LARP4: variants seen among roughly 807,000 people sequenced by gnomAD.
LARP4 encodes the protein la-related protein 4.
Under a neutral mutation model 92.9 loss-of-function variants are expected in LARP4, and 29 were observed. The ratio of observed to expected loss-of-function variants is 0.31; its 90% CI spans 0.23 to 0.43. LARP4 has a LOEUF of 0.43. LARP4 is among the 20% of genes least tolerant of loss of function. LARP4 has a pLI of 1.00. For synonymous variants in LARP4, 279 were observed against 284.1 expected (o/e 0.98, Z 0.18); for missense variants, 732 against 860.0 (o/e 0.85, Z 1.86).
intron 8 of LARP4, among the ~76,000 whole-genome samples, chr12:50,442,828 C>T (rs1262334487): frequency 2.6e-5 from 4 of 152,176 alleles, no homozygotes; most frequent in Non-Finnish European, 5.9e-5. Flanking sequence ...CAGTGACTTA[C>T]ATTTATTAAG....
chr12:50,426,731 G>GTGTGTGTGTGTGTGTGGGTGT (rs1483728898), intron 1 of LARP4, among the ~76,000 whole-genome samples: 1 of 79,740 alleles, frequency 1.3e-5, no homozygotes, highest in Non-Finnish European at 2.2e-5. Flanking sequence ...GTGTGTGTGT[G>GTGTGTGTGTGTGTGTGGGTGT]GTTTTTTTTT....
intron 8 of LARP4, among the ~76,000 whole-genome samples, chr12:50,451,210 C>A (rs2138171282): frequency 6.6e-6 from 1 of 152,294 alleles, no homozygotes; most frequent in East Asian, 1.9e-4. Flanking sequence ...TGAAACATTT[C>A]CCCAGTCCCT....
At chr12:50,465,388 AAGAG>A (rs1316131072) in intron 12 of LARP4, among the ~76,000 whole-genome samples, 2 of 151,176 alleles carry the variant, frequency 1.3e-5, no homozygotes, top group African/African-American at 4.9e-5. Flanking sequence ...AAAAAAAAAA[AAGAG>A]AGATTAGATT....
intron 1 of LARP4, among the ~76,000 whole-genome samples, chr12:50,425,694 G>C (rs1299710442): frequency 6.6e-6 from 1 of 152,100 alleles, no homozygotes; most frequent in Non-Finnish European, 1.5e-5. Context: ...TCTTAGTGAG[G>C]TGGACCCCAG....
chr12:50,432,150 G>C (rs1949749816), intron 4 of LARP4, among the ~76,000 whole-genome samples: 1 of 152,088 alleles, frequency 6.6e-6, no homozygotes, highest in South Asian at 2.1e-4. Flanking sequence ...TTATGGGTCT[G>C]CTTCTATTGT....
At chr12:50,430,419 G>A (rs2137146583) in intron 3 of LARP4, 76 bp from the exon 4 acceptor site, 2 of 753,056 alleles carry the variant, frequency 2.7e-6, no homozygotes, top group Non-Finnish European at 4.6e-6. Context: ...TGGCTTCTGA[G>A]TACAACAGTA....
At chr12:50,464,686 C>T (rs1955906684) in intron 12 of LARP4, among the ~76,000 whole-genome samples, 1 of 150,890 alleles carries the variant, frequency 6.6e-6, no homozygotes, top group African/African-American at 2.4e-5. Context: ...AGCCATCGTG[C>T]CTGACCAACA....
At chr12:50,465,433 T>C (rs546365589) in intron 12 of LARP4, among the ~76,000 whole-genome samples, 66 of 150,612 alleles carry the variant, frequency 4.4e-4, no homozygotes, top group Admixed American at 1.4e-3. Flanking sequence ...GTAAATGTCA[T>C]GATGGAGGAC....
intron 10 of LARP4, among the ~76,000 whole-genome samples, chr12:50,455,401 A>G (rs1281586344): frequency 6.6e-6 from 1 of 152,196 alleles, no homozygotes; most frequent in Non-Finnish European, 1.5e-5. Context: ...AAGGACTGAC[A>G]TATAGTCATT....
intron 12 of LARP4, 54 bp downstream of exon 12, chr12:50,462,684 G>A (rs2138731637): frequency 8.6e-7 from 1 of 1,159,462 alleles, no homozygotes; most frequent in Non-Finnish European, 1.3e-6. Context: ...GATTTACTAT[G>A]GCATTGACTT....
At chr12:50,405,837 C>G (rs547929791) in intron 1 of LARP4, among the ~76,000 whole-genome samples, 1 of 152,072 alleles carries the variant, frequency 6.6e-6, no homozygotes, top group African/African-American at 2.4e-5. Flanking sequence ...TCAAGTCTTA[C>G]ATAAAAAGGC....
intron 6 of LARP4, among the ~76,000 whole-genome samples, chr12:50,438,504 A>G (rs991512153): frequency 1.7e-4 from 26 of 151,616 alleles, no homozygotes; most frequent in African/African-American, 6.3e-4. Context: ...AAAAAAAAAA[A>G]GGGATTAAGG....
At chr12:50,453,369 G>C in intron 8 of LARP4, 91 bp from the exon 9 acceptor site, 1 of 719,724 alleles carries the variant, frequency 1.4e-6, no homozygotes, top group Non-Finnish European at 2.3e-6. Context: ...AAATAGTATA[G>C]TCATGTAAAA....
intron 12 of LARP4, among the ~76,000 whole-genome samples, chr12:50,465,404 G>T (rs1176774430): frequency 6.7e-6 from 1 of 149,280 alleles, no homozygotes; most frequent in Non-Finnish European, 1.5e-5. Context: ...GATTAGATTT[G>T]GGGTTTATTC....
chr12:50,450,804 T>C (rs1953054775), intron 8 of LARP4, among the ~76,000 whole-genome samples: 1 of 152,192 alleles, frequency 6.6e-6, no homozygotes, highest in Non-Finnish European at 1.5e-5. Context: ...CCTGGCTGCC[T>C]TGTCTCCTGT....
At chr12:50,413,381 T>C (rs918093867) in intron 1 of LARP4, among the ~76,000 whole-genome samples, 4 of 152,146 alleles carry the variant, frequency 2.6e-5, no homozygotes, top group Non-Finnish European at 5.9e-5. Flanking sequence ...GTGGATACTA[T>C]CATACACAAC....
chr12:50,474,505 GC>G (rs1480588299), intron 15 of LARP4, among the ~76,000 whole-genome samples: 1 of 152,062 alleles, frequency 6.6e-6, no homozygotes. Context: ...CCACCACTAT[GC>G]CTGGCTAATT....
rs747814313 is a variant in LARP4, at chr12:50,453,465, G to A, written c.810G>A (p.Arg270=). Residue 270 remains arginine (R), a synonymous_variant, in exon 9 of 16, where the codon AGG becomes AGA. Transcript: ENST00000398473. Reference sequence around the variant, plus strand: ...ATAATGTGTTCCTCTTCTAGGCAAGGATAAAAGCCATCAATACATTTTTTG... The same window carrying A: ...ATAATGTGTTCCTCTTCTAGGCAAGAATAAAAGCCATCAATACATTTTTTG... ...KTFQGKPIMA[R]IKAINTFFAK... 1 of 1,594,776 alleles carries A rather than the reference G, an allele frequency of 6.3e-7. No individual in the cohort carries two copies.
intron 8 of LARP4, among the ~76,000 whole-genome samples, chr12:50,447,030 T>G (rs1952321625): frequency 6.6e-6 from 1 of 152,182 alleles, no homozygotes; most frequent in African/African-American, 2.4e-5. Context: ...GTTATTTCAT[T>G]TGATATTCCC....
Sources: allele counts gnomAD v4.1 joint callset (sites outside exome capture counted in the v4.1 genomes callset), GRCh38; gene constraint gnomAD v4.1.1; transcripts MANE v1.5; gene names NCBI Gene and HGNC (gene_info 2026-07-23, HGNC 2026-07-21).